Variants in ARHGEF5 observed in about 807,000 individuals in gnomAD.
The protein encoded by ARHGEF5 is Rho guanine nucleotide exchange factor 5.
Under a neutral mutation model 104.0 loss-of-function variants are expected in ARHGEF5, and 11 were observed. The observed-to-expected ratio is 0.11, with a 90% CI of 0.07 to 0.18. ARHGEF5 has a LOEUF of 0.18. Ranked by LOEUF, ARHGEF5 falls within the 10% of genes least tolerant of loss-of-function variation. ARHGEF5 has a pLI of 1.00. For synonymous variants in ARHGEF5, 60 were observed against 512.2 expected (o/e 0.12, Z 11.92); for missense variants, 165 against 1,335.4 (o/e 0.12, Z 13.66).
chr7:144,360,432 G>A (rs1163558286), intron 1 of ARHGEF5, among the ~76,000 whole-genome samples: 1 of 86,738 alleles, frequency 1.2e-5, no homozygotes, highest in East Asian at 3.7e-4. Flanking sequence ...CTGTAAAATG[G>A]GCAGAATAAT....
Position 144,363,677 on chromosome 7 carries a change from T to A in ARHGEF5, c.1008T>A (p.Asn336Lys). 1 of 1,444,514 alleles carries A rather than the reference T, an allele frequency of 6.9e-7. No homozygotes were observed. Among genetic ancestry groups the A allele is most frequent in the Non-Finnish European group, 9.5e-7 (1 of 1,055,442 alleles). The allele number at this position is 1,444,514 out of a possible 1,614,324, so 89.5% of individuals were successfully genotyped here. ...RKRELQVPEE[N>K]RADSQDEKSQ... ...GGGAGCTGCAGGTGCCAGAAGAGAA[T>A]AGGGCGGACTCTCAGGACGAAAAGA... Residue 336 changes from asparagine (N) to lysine (K), a missense_variant, in exon 2 of 15, where the codon AAT (asparagine) becomes AAA (lysine). Coordinates refer to ENST00000056217, the MANE Select transcript of ARHGEF5 (RefSeq NM_005435.4).
intron 10 of ARHGEF5, among the ~76,000 whole-genome samples, chr7:144,374,101 C>A (rs2053743021): frequency 9.0e-6 from 1 of 111,052 alleles, no homozygotes; most frequent in South Asian, 3.2e-4. Context: ...CTCTGCCTTC[C>A]AAAGTGCTGG....
At position 144,379,874 on chromosome 7, in the gene ARHGEF5, C is replaced by G. The variant is rs760671504; in HGVS notation, c.4637-25C>G. On this transcript the variant is annotated intron_variant, in intron 14 of 14. Coordinates refer to ENST00000056217, the MANE Select transcript of ARHGEF5 (RefSeq NM_005435.4). ...TATCGTGAGCCTTTCCCAGGTAATT[C>G]TTCCCACTCACCCTGTGCCCACAGG... 7 of 1,613,604 alleles carry G rather than the reference C, an allele frequency of 4.3e-6. No homozygotes were observed. In the African/African-American group the frequency reaches 6.7e-5, roughly 15 times the overall value.
intron 14 of ARHGEF5, 113 bp downstream of exon 14, chr7:144,378,979 T>C: frequency 1.9e-6 from 2 of 1,055,618 alleles, no homozygotes; most frequent in Admixed American, 3.9e-5. Context: ...GGGTGGCTTA[T>C]GGCAACAGAA....
intron 13 of ARHGEF5, among the ~76,000 whole-genome samples, chr7:144,377,853 T>C (rs1300173591): frequency 6.6e-6 from 1 of 152,102 alleles, no homozygotes; most frequent in African/African-American, 2.4e-5. Context: ...AACTGAACGC[T>C]GTTAACTTGC....
chr7:144,377,535 G>T (rs949452700), intron 13 of ARHGEF5, among the ~76,000 whole-genome samples: 2 of 152,080 alleles, frequency 1.3e-5, no homozygotes, highest in African/African-American at 4.8e-5. Flanking sequence ...GACGGTGGTA[G>T]AAGGTGTGCA....
At chr7:144,375,880 C>T (rs1227561918) in intron 12 of ARHGEF5, among the ~76,000 whole-genome samples, 2 of 152,304 alleles carry the variant, frequency 1.3e-5, no homozygotes, top group African/African-American at 4.8e-5. Context: ...GGTACAAAGT[C>T]ACCACCGAGG....
Position 144,380,551 on chromosome 7 carries a change from G to T in ARHGEF5, c.*495G>T, listed in dbSNP as rs538700813. ...ACCATAATTATGGTGCAAGGTCAGT[G>T]TGTCTCTGAGATCTATGTCTGTTGG... is the stretch of plus-strand genomic sequence containing the variant. On this transcript the variant is annotated 3_prime_UTR_variant, in exon 15 of 15. Coordinates refer to ENST00000056217, the MANE Select transcript of ARHGEF5 (RefSeq NM_005435.4). 6.5e-6 allele frequency: 1 copy of T among 153,772 alleles called. No homozygotes were observed. Among genetic ancestry groups the T allele is most frequent in the African/African-American group, 2.4e-5 (1 of 41,442 alleles). The allele number at this position is 153,772 out of a possible 1,614,324, so 9.5% of individuals were successfully genotyped here. A position where few individuals can be genotyped will look rare whatever the true frequency, so the allele number is the denominator to read the frequency against.
At chr7:144,379,221 GTAT>G (rs1177107467) in intron 14 of ARHGEF5, among the ~76,000 whole-genome samples, 1 of 151,804 alleles carries the variant, frequency 6.6e-6, no homozygotes, top group African/African-American at 2.4e-5. Context: ...TTTATTTTAT[GTAT>G]TATTATTATT....
rs1001431258 is a variant in ARHGEF5, at chr7:144,377,777, T to C, written c.4531+587T>C. ...GAGAATCTGACCTCAACCCTGGACC[T>C]TTAGTGACTGAAAAGAACAAACAAC... On this transcript the variant is annotated intron_variant, in intron 13 of 14. Coordinates refer to ENST00000056217, the MANE Select transcript of ARHGEF5 (RefSeq NM_005435.4). Among the ~76,000 whole-genome samples the C allele has an allele frequency of 7.2e-5, 11 of 152,180 alleles. No homozygotes were observed. In the East Asian group the frequency reaches 1.2e-3, roughly 16 times the overall value.
In ARHGEF5 at chr7:144,357,210, T is replaced by C. The variant is rs544827386; in HGVS notation, c.-13+1709T>C. ...TACACAAACACGTCACTCACACTAA[T>C]GTTATCTGTGTGTATGCCACCAGGA... On this transcript the variant is annotated intron_variant, in intron 1 of 14. Transcript: ENST00000056217. 2.9e-5 allele frequency among the ~76,000 whole-genome samples: 3 copies of C among 103,538 alleles called. No homozygotes were observed. In the South Asian group the frequency reaches 1.0e-3, roughly 35 times the overall value. The allele number at this position is 103,538 out of a possible 152,430, so 67.9% of individuals were successfully genotyped here. A position where few individuals can be genotyped will look rare whatever the true frequency, so the allele number is the denominator to read the frequency against.
At chr7:144,378,383 G>A (rs571419655) in intron 13 of ARHGEF5, among the ~76,000 whole-genome samples, 12 of 152,280 alleles carry the variant, frequency 7.9e-5, no homozygotes, top group South Asian at 2.1e-4. Flanking sequence ...GGCAAAACAC[G>A]TCCATGTAGC....
At chr7:144,376,846 T>G (rs1309509881) in intron 12 of ARHGEF5, among the ~76,000 whole-genome samples, 1 of 127,910 alleles carries the variant, frequency 7.8e-6, no homozygotes, top group Admixed American at 7.5e-5. Flanking sequence ...CTCCAGACTT[T>G]ATGACTAATG....
At chr7:144,377,846 T>C (rs1027729149) in intron 13 of ARHGEF5, among the ~76,000 whole-genome samples, 1 of 152,094 alleles carries the variant, frequency 6.6e-6, no homozygotes, top group South Asian at 2.1e-4. Flanking sequence ...GTGTAGTAAC[T>C]GAACGCTGTT....
At chr7:144,371,389 TA>T (rs1211869355) in intron 6 of ARHGEF5, 68 bp downstream of exon 6, 1 of 1,238,848 alleles carries the variant, frequency 8.1e-7, no homozygotes, top group Non-Finnish European at 1.1e-6. Flanking sequence ...AATGTTCCGT[TA>T]TTTTTTTCCC....
At chr7:144,377,276 C>T in intron 13 of ARHGEF5, 86 bp downstream of exon 13, 1 of 1,550,152 alleles carries the variant, frequency 6.5e-7, no homozygotes, top group Non-Finnish European at 8.7e-7. Flanking sequence ...TGGGTGGGAA[C>T]TCTAGGCTTT....
At chr7:144,360,805 G>C (rs1351593741) in intron 1 of ARHGEF5, among the ~76,000 whole-genome samples, 1 of 138,640 alleles carries the variant, frequency 7.2e-6, no homozygotes, top group East Asian at 2.0e-4. Context: ...CTATCTATTG[G>C]TTGCAATAGA....
chr7:144,361,163 G>A (rs1413073744), intron 1 of ARHGEF5, among the ~76,000 whole-genome samples: 7 of 138,756 alleles, frequency 5.0e-5, no homozygotes, highest in African/African-American at 1.9e-4. Context: ...GGAGATGGAG[G>A]TTGCAATGAC....
At chr7:144,360,932 T>G (rs531022542) in intron 1 of ARHGEF5, among the ~76,000 whole-genome samples, 33 of 146,132 alleles carry the variant, frequency 2.3e-4, no homozygotes, top group African/African-American at 8.3e-4. Context: ...TTTAACCTAG[T>G]TAAAAGATCA....
Sources: allele counts gnomAD v4.1 joint callset (sites outside exome capture counted in the v4.1 genomes callset), GRCh38; gene constraint gnomAD v4.1.1; transcripts MANE v1.5; gene names NCBI Gene and HGNC (gene_info 2026-07-23, HGNC 2026-07-21).